Variants in RPLP2 observed in about 807,000 individuals in gnomAD.
RPLP2 encodes the protein ribosomal protein lateral stalk subunit P2, also known as large ribosomal subunit protein P2.
RPLP2 carries 1 observed loss-of-function variant against 11.5 expected under a neutral mutation model. The ratio of observed to expected loss-of-function variants is 0.09; its 90% CI spans 0.03 to 0.41. The LOEUF (loss-of-function observed/expected upper bound fraction) is 0.41, where lower values mean the gene tolerates loss of function less well. Ranked by LOEUF, RPLP2 falls within the 10% of genes least tolerant of loss-of-function variation. The pLI, the probability that RPLP2 is intolerant of heterozygous loss-of-function variation, is 0.98. For missense variants in RPLP2, 177 were observed against 145.6 expected (o/e 1.22, Z -1.11); for synonymous variants, 82 against 55.9 (o/e 1.47, Z -2.08).
At position 810,343 on chromosome 11, in the gene RPLP2, G is replaced by T; in HGVS notation, c.109G>T (p.Asp37Tyr). 6.2e-7 allele frequency: 1 copy of T among 1,607,578 alleles called. No individual in the cohort carries two copies. Among genetic ancestry groups the T allele is most frequent in the Non-Finnish European group, 8.5e-7 (1 of 1,177,688 alleles). The part of the protein sequence containing the change: ...LDSVGIEADD[D>Y]RLNKVISELN... ...CAGCGTGGGTATCGAGGCGGACGAC[G>T]ACCGGCTCAACAAGGTAGCGGCCGC... Residue 37 changes from aspartate (D) to tyrosine (Y), a missense_variant, in exon 2 of 5, where the codon GAC (aspartate) becomes TAC (tyrosine). Transcript: ENST00000321153.
intron 2 of RPLP2, 38 bp from the exon 3 acceptor site, chr11:811,559 T>C: frequency 6.2e-7 from 1 of 1,613,752 alleles, no homozygotes. Flanking sequence ...GATACAATCG[T>C]ACATTCCTGG....
intron 2 of RPLP2, among the ~76,000 whole-genome samples, chr11:810,956 AGCCT>A (rs1451930370): frequency 4.3e-5 from 6 of 140,682 alleles, no homozygotes; most frequent in Non-Finnish European, 9.0e-5. Context: ...GGATTATTGG[AGCCT>A]TGAAGTTCGA....
chr11:811,508 G>T lies in RPLP2; in HGVS notation c.124-89G>T, dbSNP rs984539100. ...ACTTCAGGGCCTATTCCCATGTGGG[G>T]AACCCAGTCCTGCTGTGACTCTGGG... On this transcript the variant is annotated intron_variant, in intron 2 of 4. Transcript: ENST00000321153. 1.8e-5 allele frequency: 27 copies of T among 1,531,342 alleles called. No homozygotes were observed. In the Admixed American group the frequency reaches 4.5e-4, roughly 25 times the overall value. 94.9% of individuals were successfully genotyped at this position (1,531,342 alleles called of 1,614,324 possible). A position where few individuals can be genotyped will look rare whatever the true frequency, so the allele number is the denominator to read the frequency against.
At chr11:811,316 C>T in intron 2 of RPLP2, 2 of 495,724 alleles carry the variant, frequency 4.0e-6, no homozygotes, top group Admixed American at 3.4e-5. Context: ...ATTTCATTGC[C>T]AGTTTATTTT....
chr11:811,138 C>G (rs1289381474), intron 2 of RPLP2, among the ~76,000 whole-genome samples: 1 of 152,060 alleles, frequency 6.6e-6, no homozygotes, highest in Non-Finnish European at 1.5e-5. Context: ...GATTGTGCCA[C>G]TGCAGTCTAA....
At position 812,722 on chromosome 11, in the gene RPLP2, T is replaced by C. The variant is rs188123498; in HGVS notation, c.272-38T>C. The C allele has an allele frequency of 3.3e-5, 54 of 1,612,716 alleles. No homozygotes were observed. The East Asian group carries it at 6.7e-4, about 20-fold the overall frequency. On this transcript the variant is annotated intron_variant, in intron 4 of 4. Transcript: ENST00000321153. ...CTTCATGGGGGGACTGGCCTGGCAC[T>C]TGGGCAGTGCTCACCATGCCTCTCC...
At chr11:810,105 G>C (rs549711977) in intron 1 of RPLP2, 66 bp downstream of exon 1, 8 of 1,144,678 alleles carry the variant, frequency 7.0e-6, no homozygotes, top group Non-Finnish European at 9.2e-6. Flanking sequence ...TGCGGGGTGG[G>C]CGGCGGGGTA....
intron 2 of RPLP2, among the ~76,000 whole-genome samples, chr11:811,154 C>T (rs958267876): frequency 1.3e-5 from 2 of 152,050 alleles, no homozygotes; most frequent in Non-Finnish European, 2.9e-5. Context: ...TCTAACAGAA[C>T]CAGGCCTCGT....
intron 2 of RPLP2, among the ~76,000 whole-genome samples, chr11:810,900 C>T (rs958747990): frequency 7.3e-6 from 1 of 136,196 alleles, no homozygotes; most frequent in African/African-American, 2.6e-5. Flanking sequence ...AAAAAAAAAG[C>T]AGTCCTGGCG....
chr11:812,468 A>C (rs1164494595), intron 3 of RPLP2, 67 bp from the exon 4 acceptor site: 22 of 1,591,368 alleles, frequency 1.4e-5, no homozygotes, highest in Non-Finnish European at 1.9e-5. Context: ...GGTGCCATCT[A>C]ACTTCCCTGT....
intron 2 of RPLP2, among the ~76,000 whole-genome samples, chr11:810,791 GA>G (rs35176006): frequency 0.5 from 58,240 of 116,198 alleles, 12,788 homozygotes; most frequent in East Asian, 0.59. Flanking sequence ...GTCTCAAAAG[GA>G]AAAAAAAAAA....
At position 812,643 on chromosome 11, in the gene RPLP2, G is replaced by A. The variant is rs780122604; in HGVS notation, c.271+10G>A. On this transcript the variant is annotated intron_variant, in intron 4 of 4. Transcript: ENST00000321153. ...TCTGCCCCTGCTGCAGGTAAGTGGTGGCCTGGTGAGTGGGCAAGGGGCTGG... is the reference window on the plus strand; with the variant it reads ...TCTGCCCCTGCTGCAGGTAAGTGGTAGCCTGGTGAGTGGGCAAGGGGCTGG... 1.9e-6 allele frequency: 3 copies of A among 1,610,774 alleles called. No homozygotes were observed.
chr11:810,447 G>C, intron 2 of RPLP2, 90 bp downstream of exon 2: 1 of 1,293,584 alleles, frequency 7.7e-7, no homozygotes, highest in Non-Finnish European at 1.1e-6. Flanking sequence ...ATGCTGGAGG[G>C]TTCGGGGAGA....
At chr11:811,054 G>A (rs912585900) in intron 2 of RPLP2, among the ~76,000 whole-genome samples, 1 of 151,086 alleles carries the variant, frequency 6.6e-6, no homozygotes. Flanking sequence ...GTGCACATCT[G>A]TAGTCTCAGC....
chr11:812,721 C>T (rs1189013569), intron 4 of RPLP2, 39 bp from the exon 5 acceptor site: 1 of 1,613,026 alleles, frequency 6.2e-7, no homozygotes, highest in Non-Finnish European at 8.5e-7. Flanking sequence ...TGGCCTGGCA[C>T]TTGGGCAGTG....
At chr11:810,777 C>A (rs1443476074) in intron 2 of RPLP2, among the ~76,000 whole-genome samples, 5 of 139,100 alleles carry the variant, frequency 3.6e-5, no homozygotes, top group Admixed American at 1.5e-4. Context: ...CAGAAGGAGA[C>A]CCTGTCTCAA....
Position 809,978 on chromosome 11 carries a change from C to T in RPLP2, c.-63C>T, listed in dbSNP as rs910654821. 11 of 391,724 alleles carry T rather than the reference C, an allele frequency of 2.8e-5. No individual in the cohort carries two copies. The highest frequency in any genetic ancestry group is 1.8e-4 in the South Asian group (3 of 16,678). The allele number at this position is 391,724 out of a possible 1,614,324, so 24.3% of individuals were successfully genotyped here. ...TGCGTCGGCGCCTTCCTTTTCCTCC[C>T]TGTCGCCACCGAGGTCGCACGCGTG... On this transcript the variant is annotated 5_prime_UTR_variant, in exon 1 of 5. Coordinates refer to ENST00000321153, the MANE Select transcript of RPLP2 (RefSeq NM_001004.4).
chr11:810,213 C>T, intron 1 of RPLP2, 21 bp from the exon 2 acceptor site: 1 of 1,507,530 alleles, frequency 6.6e-7, no homozygotes, highest in Non-Finnish European at 8.9e-7. Flanking sequence ...TCCGCCGTCG[C>T]GTCCTCTCCG....
rs557149339 is a variant in RPLP2, at chr11:810,000, C to T, written c.-41C>T. 167 of 441,346 alleles carry T rather than the reference C, an allele frequency of 3.8e-4. No individual in the cohort carries two copies. In the South Asian group the frequency reaches 5.6e-3, roughly 15 times the overall value. The allele number at this position is 441,346 out of a possible 1,614,324, so 27.3% of individuals were successfully genotyped here. ...TCCCTGTCGCCACCGAGGTCGCACG[C>T]GTGAGACTTCTCCGCCGCCTCCGCC... On this transcript the variant is annotated 5_prime_UTR_variant, in exon 1 of 5. Coordinates refer to ENST00000321153, the MANE Select transcript of RPLP2 (RefSeq NM_001004.4).
Sources: allele counts gnomAD v4.1 joint callset (sites outside exome capture counted in the v4.1 genomes callset), GRCh38; gene constraint gnomAD v4.1.1; transcripts MANE v1.5; gene names NCBI Gene and HGNC (gene_info 2026-07-23, HGNC 2026-07-21).